The following OR51B5 variants were observed in gnomAD, a reference collection of about 807,000 sequenced individuals.
OR51B5 encodes olfactory receptor family 51 subfamily B member 5.
For synonymous variants in OR51B5, 186 were observed against 144.8 expected, an observed-to-expected ratio of 1.28 and a Z score of -2.04; for missense variants, 456 against 374.6, an observed-to-expected ratio of 1.22 and a Z score of -1.79.
intron 1 of OR51B5, among the ~76,000 whole-genome samples, chr11:5,380,823 T>G (rs986563252): frequency 6.6e-6 from 1 of 152,306 alleles, no homozygotes; most frequent in Admixed American, 6.5e-5. Context: ...TAGTGGGTAT[T>G]GAGGACACGG....
At chr11:5,389,799 G>T in intron 1 of OR51B5, 1 of 1,613,848 alleles carries the variant, frequency 6.2e-7, no homozygotes, top group Non-Finnish European at 8.5e-7. Flanking sequence ...TCCTTTGACC[G>T]CCTTGTGGCC....
At chr11:5,361,623 G>A (rs1849284897) in intron 1 of OR51B5, among the ~76,000 whole-genome samples, 1 of 152,124 alleles carries the variant, frequency 6.6e-6, no homozygotes, top group Non-Finnish European at 1.5e-5. Flanking sequence ...AAGATGTGAT[G>A]GGGTATAAGA....
intron 1 of OR51B5, among the ~76,000 whole-genome samples, chr11:5,414,783 T>C (rs1048654874): frequency 6.6e-6 from 1 of 152,182 alleles, no homozygotes; most frequent in South Asian, 2.1e-4. Flanking sequence ...ACCAAGTCCT[T>C]AGTGACCTAC....
rs1449029693 is a variant in OR51B5 at position 5,421,742 on chromosome 11, G to A, written n.85-74832C>T. Among the ~76,000 whole-genome samples, 3 of 152,160 alleles carry A rather than the reference G, an allele frequency of 2.0e-5. No homozygotes were observed. In the East Asian group the frequency reaches 5.8e-4, roughly 29 times the overall value. On this transcript the variant is annotated intron_variant and non_coding_transcript_variant, in intron 1 of 4. Transcript: ENST00000415970. ...AACTAGTGAAATAGGTGAGAATGCT[G>A]CTACAAAAGTCAAAGGAGATATTTG...
At chr11:5,357,000 C>T (rs1032260686) in intron 1 of OR51B5, among the ~76,000 whole-genome samples, 10 of 151,964 alleles carry the variant, frequency 6.6e-5, no homozygotes, top group Non-Finnish European at 1.3e-4. Flanking sequence ...AAGGCACAAC[C>T]GGTACCAGCC....
chr11:5,352,515 G>C (rs1849114654), intron 1 of OR51B5: 2 of 947,626 alleles, frequency 2.1e-6, no homozygotes, highest in Admixed American at 4.5e-5. Flanking sequence ...GCCAGCATAA[G>C]TAACTAGGGA....
intron 1 of OR51B5, among the ~76,000 whole-genome samples, chr11:5,380,929 T>C (rs991261372): frequency 3.3e-5 from 5 of 152,238 alleles, no homozygotes; most frequent in Middle Eastern, 6.8e-3. Context: ...TTGGGCTGAA[T>C]GCTCCCCCTG....
intron 1 of OR51B5, among the ~76,000 whole-genome samples, chr11:5,380,968 G>GT (rs1849599108): frequency 6.6e-6 from 1 of 152,096 alleles, no homozygotes. Flanking sequence ...CACAGCATGT[G>GT]TACAGACCTT....
intron 1 of OR51B5, chr11:5,453,994 G>T (rs749617762): frequency 6.2e-7 from 1 of 1,613,930 alleles, no homozygotes; most frequent in Admixed American, 1.7e-5. Flanking sequence ...CTGCCTATCT[G>T]CAGATCCAAT....
intron 1 of OR51B5, chr11:5,351,977 T>A: frequency 6.2e-7 from 1 of 1,613,316 alleles, no homozygotes; most frequent in Non-Finnish European, 8.5e-7. Flanking sequence ...ATTATGCCAA[T>A]AGTTGTTCGC....
intron 1 of OR51B5, chr11:5,352,591 T>TACTTAGAACATTATTTTACCCTGCCTGTC: frequency 1.6e-6 from 1 of 609,484 alleles, no homozygotes; most frequent in East Asian, 2.7e-5. Context: ...ATCCCTCTGC[T>TACTTAGAACATTATTTTACCCTGCCTGTC]ACTTAGAACA....
At chr11:5,395,694 G>A (rs917348921) in intron 1 of OR51B5, among the ~76,000 whole-genome samples, 4 of 152,168 alleles carry the variant, frequency 2.6e-5, no homozygotes, top group African/African-American at 9.6e-5. Context: ...AAGAGGCAGG[G>A]CCCATGTGGA....
chr11:5,422,992 T>C (rs762086402), intron 1 of OR51B5: 77 of 1,614,036 alleles, frequency 4.8e-5, no homozygotes, highest in Non-Finnish European at 6.4e-5. Flanking sequence ...CTATGACTCA[T>C]CGCTTTGCCA....
intron 1 of OR51B5, chr11:5,488,708 T>C (rs755933155): frequency 1.9e-6 from 3 of 1,607,672 alleles, no homozygotes; most frequent in East Asian, 2.2e-5. Context: ...CCAGGAAGAA[T>C]GTCAGATTCC....
chr11:5,491,327 T>C (rs1161490489), intron 1 of OR51B5, among the ~76,000 whole-genome samples: 1 of 152,202 alleles, frequency 6.6e-6, no homozygotes, highest in Admixed American at 6.5e-5. Flanking sequence ...TATCACAAGT[T>C]CATGGGTAAG....
At chr11:5,428,419 G>A (rs947245982) in intron 1 of OR51B5, among the ~76,000 whole-genome samples, 2 of 152,146 alleles carry the variant, frequency 1.3e-5, no homozygotes, top group East Asian at 3.8e-4. Context: ...CTAACAAAAT[G>A]AGCATATGCT....
intron 1 of OR51B5, among the ~76,000 whole-genome samples, chr11:5,379,719 A>G (rs1316823393): frequency 6.6e-6 from 1 of 152,150 alleles, no homozygotes; most frequent in African/African-American, 2.4e-5. Flanking sequence ...TGAAACATTC[A>G]GTCAATAATT....
At position 5,343,322 on chromosome 11, in the gene OR51B5, T is replaced by C. The variant is rs763376441; in HGVS notation, c.203A>G (p.Asp68Gly). The C allele has an allele frequency of 2.5e-5, 36 of 1,455,922 alleles. No individual in the cohort carries two copies. Among genetic ancestry groups the C allele is most frequent in the Middle Eastern group, 1.7e-4 (1 of 5,778 alleles). 90.2% of individuals were successfully genotyped at this position (1,455,922 alleles called of 1,614,324 possible). ...CATTGTGGTCAGGGCCAGCCCCAGGTCTGTGGCAGCCAGCATGGCCAGAAA... is the reference window on the plus strand; with the variant it reads ...CATTGTGGTCAGGGCCAGCCCCAGGCCTGTGGCAGCCAGCATGGCCAGAAA... Residue 68 changes from aspartate (D) to glycine (G), a missense_variant, in exon 1 of 1, where the codon GAC (aspartate) becomes GGC (glycine). Transcript: ENST00000300773.
chr11:5,359,824 C>T (rs1849253488), intron 1 of OR51B5, among the ~76,000 whole-genome samples: 1 of 151,826 alleles, frequency 6.6e-6, no homozygotes, highest in African/African-American at 2.4e-5. Context: ...GAACAGAGGC[C>T]TCAGAAATAA....
Sources: gnomAD v4.1 joint callset for allele counts (sites outside exome capture counted in the v4.1 genomes callset) on GRCh38, gnomAD v4.1.1 for gene constraint, MANE v1.5 for transcripts, NCBI Gene and HGNC (gene_info 2026-07-23, HGNC 2026-07-21) for gene names.